Variants in PRKN observed in about 807,000 individuals in gnomAD.
PRKN encodes parkin RBR E3 ubiquitin protein ligase.
In PRKN, 56 loss-of-function variants were observed where a neutral mutation model predicts 59.5. The ratio of observed to expected loss-of-function variants is 0.94; its 90% confidence interval spans 0.76 to 1.18. The LOEUF (loss-of-function observed/expected upper bound fraction) is 1.18. PRKN is among the 50% of genes most tolerant of loss of function. The pLI is 0.00. For synonymous variants in PRKN, 250 were observed against 222.1 expected (o/e 1.13, Z -1.12); for missense variants, 657 against 596.4 (o/e 1.10, Z -1.06).
rs1328902191 is a variant in PRKN, at chr6:161,518,333, GA to G, written c.1083+30520del. Among the ~76,000 whole-genome samples the G allele has an allele frequency of 6.6e-6, 1 of 152,226 alleles. No individual in the cohort carries two copies. Among genetic ancestry groups the G allele is most frequent in the East Asian group, 1.9e-4 (1 of 5,184 alleles). ...CTTCACAAAGCTGCCCACTGCCACTGAGCAAACAGAATGTCCTGTGCAGGGA... is the reference window on the plus strand; with the variant it reads ...CTTCACAAAGCTGCCCACTGCCACTGGCAAACAGAATGTCCTGTGCAGGGA... On this transcript the variant is annotated intron_variant, in intron 9 of 11. Coordinates refer to ENST00000366898, the MANE Select transcript of PRKN (RefSeq NM_004562.3). The surrounding 1 kb of genome is among the most constrained non-coding windows in gnomAD (Gnocchi z 5.0).
intron 2 of PRKN, among the ~76,000 whole-genome samples, chr6:162,297,888 T>C (rs750896519): frequency 1.9e-4 from 29 of 152,086 alleles, no homozygotes; most frequent in Non-Finnish European, 4.0e-4. Context: ...CACTAAATAT[T>C]AAGTCTCAGA....
Position 161,538,642 on chromosome 6 carries a change from C to T in PRKN, c.1083+10212G>A, listed in dbSNP as rs866174000. Among the ~76,000 whole-genome samples, 7 of 152,012 alleles carry T rather than the reference C, an allele frequency of 4.6e-5. No individual in the cohort carries two copies. The highest frequency in any genetic ancestry group is 2.0e-4 in the Admixed American group (3 of 15,264). On this transcript the variant is annotated intron_variant, in intron 9 of 11. Coordinates refer to ENST00000366898, the MANE Select transcript of PRKN (RefSeq NM_004562.3). This position sits in a 1 kb window ranked among gnomAD's most constrained non-coding sequence, Gnocchi z 4.2. ...TCCTGGGGCCCACTGAGATGCCAAG[C>T]GGAGAAGGAGGAAAAATGGCTGCAT... is the stretch of plus-strand genomic sequence containing the variant.
chr6:161,570,774 A>G (rs950403619), intron 7 of PRKN, among the ~76,000 whole-genome samples: 4 of 152,206 alleles, frequency 2.6e-5, no homozygotes, highest in African/African-American at 9.6e-5. Context: ...AAAGTTCCAC[A>G]TAGTTTTTTG....
chr6:161,744,972 C>T (rs1303170866), intron 7 of PRKN, among the ~76,000 whole-genome samples: 1 of 152,170 alleles, frequency 6.6e-6, no homozygotes, highest in Non-Finnish European at 1.5e-5. Context: ...GTTATGTCCA[C>T]TTGGTAGATG....
Position 161,405,615 on chromosome 6 carries a change from TAAA to T in PRKN, c.1084-18741_1084-18739del, listed in dbSNP as rs1429292577. Among the ~76,000 whole-genome samples, 18 of 113,068 alleles carry T rather than the reference TAAA, an allele frequency of 1.6e-4. No homozygotes were observed. Among genetic ancestry groups the T allele is most frequent in the African/African-American group, 5.7e-4 (18 of 31,366 alleles). 74.2% of individuals were successfully genotyped at this position (113,068 alleles called of 152,430 possible). On this transcript the variant is annotated intron_variant, in intron 9 of 11. Coordinates refer to ENST00000366898, the MANE Select transcript of PRKN (RefSeq NM_004562.3). The surrounding 1 kb of genome is among the most constrained non-coding windows in gnomAD (Gnocchi z 5.1). ...AAATAAAATAAAAATTAAAAATAAA[TAAA>T]TAAATAAATAAATAAATAAATAAAT...
Position 161,660,594 on chromosome 6 carries a change from A to C in PRKN, c.872-91178T>G, listed in dbSNP as rs1394761112. ...AGGAGTCTGATTGTGAACAAAAGAAAAAACCAGACGTGAACAGCGGCAGTG... is the reference window on the plus strand; with the variant it reads ...AGGAGTCTGATTGTGAACAAAAGAACAAACCAGACGTGAACAGCGGCAGTG... On this transcript the variant is annotated intron_variant, in intron 7 of 11. Coordinates refer to ENST00000366898, the MANE Select transcript of PRKN (RefSeq NM_004562.3). Among the ~76,000 whole-genome samples, 3 of 152,136 alleles carry C rather than the reference A, an allele frequency of 2.0e-5. No homozygotes were observed. The East Asian group carries it at 5.8e-4, about 29-fold the overall frequency.
Position 161,373,189 on chromosome 6 carries a change from A to G in PRKN, c.1168-12984T>C, listed in dbSNP as rs1397786553. On this transcript the variant is annotated intron_variant, in intron 10 of 11. Coordinates refer to ENST00000366898, the MANE Select transcript of PRKN (RefSeq NM_004562.3). This position sits in a 1 kb window ranked among gnomAD's most constrained non-coding sequence, Gnocchi z 4.8. ...CATGGACTGGGTGAGGCCCACCCAC[A>G]TTATAGAGGGTCATCTCCTTGACCT... Among the ~76,000 whole-genome samples, 1 of 152,126 alleles carries G rather than the reference A, an allele frequency of 6.6e-6. No individual in the cohort carries two copies. The highest frequency in any genetic ancestry group is 6.5e-5 in the Admixed American group (1 of 15,280).
chr6:161,997,928 C>G lies in PRKN; in HGVS notation c.619-24511G>C, dbSNP rs549264022. On this transcript the variant is annotated intron_variant, in intron 5 of 11. Coordinates refer to ENST00000366898, the MANE Select transcript of PRKN (RefSeq NM_004562.3). ...TCTCGTAGTTGGCTGGACCTGTGTC[C>G]TAAAATACAGGAGCCAGGTAATGAC... Among the ~76,000 whole-genome samples the G allele has an allele frequency of 2.8e-4, 43 of 152,128 alleles. 2 individuals are homozygous for G. In the Middle Eastern group the frequency reaches 0.01, roughly 36 times the overall value.
At chr6:161,987,344 A>C (rs1781472934) in intron 5 of PRKN, among the ~76,000 whole-genome samples, 1 of 152,232 alleles carries the variant, frequency 6.6e-6, no homozygotes, top group Non-Finnish European at 1.5e-5. Context: ...TCAACCAGCC[A>C]TCCTACTTAT....
chr6:161,778,543 C>T (rs1247378211), intron 7 of PRKN, among the ~76,000 whole-genome samples: 5 of 152,174 alleles, frequency 3.3e-5, no homozygotes, highest in African/African-American at 7.2e-5. Flanking sequence ...CAAAACAATT[C>T]GCACAGGCAT....
At chr6:161,889,936 A>G (rs1384576005) in intron 6 of PRKN, among the ~76,000 whole-genome samples, 1 of 152,186 alleles carries the variant, frequency 6.6e-6, no homozygotes, top group Non-Finnish European at 1.5e-5. Context: ...TGTAGTAAGA[A>G]TAGAAACCAA....
intron 4 of PRKN, among the ~76,000 whole-genome samples, chr6:162,196,263 T>C (rs1784493656): frequency 6.6e-6 from 1 of 152,186 alleles, no homozygotes; most frequent in South Asian, 2.1e-4. Context: ...AAATTAACCT[T>C]ACCAGCCCAG....
intron 6 of PRKN, among the ~76,000 whole-genome samples, chr6:161,927,865 T>C (rs995128398): frequency 2.0e-5 from 3 of 152,330 alleles, no homozygotes; most frequent in South Asian, 2.1e-4. Context: ...ATAAAGTTAC[T>C]GAAGAAGCAT....
intron 2 of PRKN, among the ~76,000 whole-genome samples, chr6:162,266,906 A>T (rs1021740393): frequency 6.6e-5 from 10 of 152,176 alleles, no homozygotes; most frequent in African/African-American, 2.4e-4. Flanking sequence ...AAATATACAG[A>T]GAAGGCAGAA....
intron 2 of PRKN, among the ~76,000 whole-genome samples, chr6:162,437,762 G>A (rs1216242765): frequency 2.6e-5 from 4 of 152,048 alleles, no homozygotes; most frequent in African/African-American, 4.8e-5. Flanking sequence ...ATCAACAGTC[G>A]GCTCCTTTTT....
intron 3 of PRKN, among the ~76,000 whole-genome samples, chr6:162,206,613 C>T (rs559133568): frequency 4.6e-5 from 7 of 152,152 alleles, no homozygotes; most frequent in Non-Finnish European, 7.3e-5. Flanking sequence ...TTCAGCCCTG[C>T]GCCTAGTCAT....
At chr6:161,564,413 T>G (rs1456949121) in intron 8 of PRKN, among the ~76,000 whole-genome samples, 1 of 152,304 alleles carries the variant, frequency 6.6e-6, no homozygotes, top group East Asian at 1.9e-4. Context: ...CCCCAAACCC[T>G]GAGACCCTTC....
intron 4 of PRKN, among the ~76,000 whole-genome samples, chr6:162,187,814 C>T (rs1562567615): frequency 2.0e-5 from 3 of 152,132 alleles, no homozygotes. Flanking sequence ...AAAGAATCCT[C>T]AGTAAAAGGA....
intron 7 of PRKN, among the ~76,000 whole-genome samples, chr6:161,666,004 T>C (rs1784712740): frequency 6.6e-6 from 1 of 152,192 alleles, no homozygotes; most frequent in South Asian, 2.1e-4. Flanking sequence ...CGTGTGGAGC[T>C]GAGAAGACTG....
Sources: gnomAD v4.1 joint callset for allele counts (sites outside exome capture counted in the v4.1 genomes callset) on GRCh38, gnomAD v4.1.1 for gene constraint, Gnocchi (gnomAD v3.1) non-coding constraint, MANE v1.5 for transcripts, NCBI Gene and HGNC (gene_info 2026-07-23, HGNC 2026-07-21) for gene names.